CSMD1: variants seen among roughly 807,000 people sequenced by gnomAD.
The protein encoded by CSMD1 is CUB and sushi domain-containing protein 1.
A neutral mutation model predicts 417.5 loss-of-function variants in CSMD1; 213 were observed. The observed-to-expected ratio is 0.51, with a 90% confidence interval of 0.46 to 0.57. The LOEUF (loss-of-function observed/expected upper bound fraction) is 0.57. Ranked by LOEUF, CSMD1 falls within the 20% of genes least tolerant of loss-of-function variation. The pLI, the probability that CSMD1 is intolerant of heterozygous loss-of-function variation, is 0.00. For missense variants in CSMD1, 6,923 were observed against 4,529.7 expected (o/e 1.53, Z -15.17); for synonymous variants, 2,862 against 1,736.8 (o/e 1.65, Z -16.11).
intron 7 of CSMD1, among the ~76,000 whole-genome samples, chr8:3,641,328 T>G (rs1182932998): frequency 6.6e-6 from 1 of 152,112 alleles, no homozygotes; most frequent in Non-Finnish European, 1.5e-5. Context: ...TCACTAGCAA[T>G]GGAACCAACA....
chr8:4,726,265 G>T (rs750678997), intron 1 of CSMD1, among the ~76,000 whole-genome samples: 15 of 151,350 alleles, frequency 9.9e-5, no homozygotes, highest in Non-Finnish European at 1.9e-4. Context: ...GCCTTGCCCC[G>T]CTTCTTTGAT....
chr8:4,877,505 G>T (rs991578749), intron 1 of CSMD1, among the ~76,000 whole-genome samples: 1 of 151,874 alleles, frequency 6.6e-6, no homozygotes, highest in Non-Finnish European at 1.5e-5. Flanking sequence ...ATCTCTTCCC[G>T]ATCCCCTAAA....
rs539881606 is a variant in CSMD1 at position 4,100,029 on chromosome 8, G to A, written c.416-67930C>T. Among the ~76,000 whole-genome samples, 5 of 152,224 alleles carry A rather than the reference G, an allele frequency of 3.3e-5. No homozygotes were observed. In the South Asian group the frequency reaches 1.0e-3, roughly 32 times the overall value. On this transcript the variant is annotated intron_variant, in intron 3 of 69. Coordinates refer to ENST00000635120, the MANE Select transcript of CSMD1 (RefSeq NM_033225.6). ...TTCATTTTTATGACTTCCAGAAGAA[G>A]ATATAATGTAATAACGTGAGCATGC...
At chr8:4,963,134 A>T (rs1351062836) in intron 1 of CSMD1, among the ~76,000 whole-genome samples, 2 of 152,142 alleles carry the variant, frequency 1.3e-5, no homozygotes, top group Non-Finnish European at 2.9e-5. Flanking sequence ...GCCCTCCTAC[A>T]GGCAGTCAAT....
At chr8:4,744,026 G>C (rs549576078) in intron 1 of CSMD1, among the ~76,000 whole-genome samples, 2 of 152,344 alleles carry the variant, frequency 1.3e-5, no homozygotes, top group East Asian at 1.9e-4. Context: ...ATCCACGCCA[G>C]GCTGGCACAC....
chr8:4,473,306 T>A (rs548870973), intron 2 of CSMD1, among the ~76,000 whole-genome samples: 1 of 152,332 alleles, frequency 6.6e-6, no homozygotes, highest in Non-Finnish European at 1.5e-5. Context: ...ATGTGAGTTC[T>A]TAACACAAAA....
chr8:3,274,598 G>C lies in CSMD1; in HGVS notation c.4153+9546C>G, dbSNP rs997715840. ...GTAGGTCACTCAGGACTTGCTTTAT[G>C]AATCTGGGTGCTCCTGTATTGGGTG... is the stretch of plus-strand genomic sequence containing the variant. On this transcript the variant is annotated intron_variant, in intron 26 of 69. Transcript: ENST00000635120. Among the ~76,000 whole-genome samples the C allele has an allele frequency of 1.5e-3, 227 of 152,218 alleles. 2 individuals carry two copies. Among genetic ancestry groups the C allele is most frequent in the Non-Finnish European group, 1.1e-3 (77 of 67,996 alleles).
intron 6 of CSMD1, among the ~76,000 whole-genome samples, chr8:3,734,279 C>A (rs375151221): frequency 3.9e-5 from 6 of 152,206 alleles, no homozygotes; most frequent in Admixed American, 2.0e-4. Context: ...CCCAGTGTCT[C>A]CCTAGTGCTT....
At chr8:3,530,377 G>A (rs758912887) in intron 10 of CSMD1, among the ~76,000 whole-genome samples, 1 of 152,132 alleles carries the variant, frequency 6.6e-6, no homozygotes. Flanking sequence ...TTGTCTCAAG[G>A]AAGTTTCCAA....
intron 1 of CSMD1, among the ~76,000 whole-genome samples, chr8:4,895,929 AT>A (rs921359896): frequency 2.0e-5 from 3 of 151,922 alleles, no homozygotes; most frequent in Admixed American, 6.6e-5. Context: ...GTTACCAATT[AT>A]TTTTTTGACA....
intron 1 of CSMD1, among the ~76,000 whole-genome samples, chr8:4,768,203 T>TTA (rs1175691056): frequency 6.6e-6 from 1 of 152,110 alleles, no homozygotes; most frequent in Non-Finnish European, 1.5e-5. Flanking sequence ...AAGATGCCTT[T>TTA]TATGTTGGAA....
intron 3 of CSMD1, among the ~76,000 whole-genome samples, chr8:4,244,032 G>A (rs1029843015): frequency 1.3e-5 from 2 of 152,210 alleles, no homozygotes; most frequent in East Asian, 1.9e-4. Context: ...TAACCTGGCT[G>A]CAGGCTCTTT....
chr8:4,153,009 G>A (rs1032927050), intron 3 of CSMD1, among the ~76,000 whole-genome samples: 2 of 152,108 alleles, frequency 1.3e-5, no homozygotes, highest in Admixed American at 6.5e-5. Flanking sequence ...CGTAGCAAGT[G>A]CATACCATTT....
At chr8:4,804,774 G>A (rs1028345959) in intron 1 of CSMD1, among the ~76,000 whole-genome samples, 3 of 152,058 alleles carry the variant, frequency 2.0e-5, no homozygotes, top group African/African-American at 7.2e-5. Context: ...TATTTGTTCT[G>A]TTTACATGAT....
At chr8:4,685,730 C>G (rs1218994272) in intron 1 of CSMD1, among the ~76,000 whole-genome samples, 2 of 152,114 alleles carry the variant, frequency 1.3e-5, no homozygotes, top group Admixed American at 1.3e-4. Flanking sequence ...TCTGAACATT[C>G]TTTTTAAGAA....
At chr8:3,849,746 T>C (rs1026764337) in intron 5 of CSMD1, among the ~76,000 whole-genome samples, 1 of 152,174 alleles carries the variant, frequency 6.6e-6, no homozygotes, top group Non-Finnish European at 1.5e-5. Context: ...TATGAAGCTC[T>C]TGTACAAATA....
intron 3 of CSMD1, among the ~76,000 whole-genome samples, chr8:4,207,114 T>C (rs1800023866): frequency 6.6e-6 from 1 of 152,164 alleles, no homozygotes. Flanking sequence ...ATTTTCTAAA[T>C]AGTCTTAAAA....
At chr8:4,983,874 G>T (rs1324529823) in intron 1 of CSMD1, among the ~76,000 whole-genome samples, 1 of 152,090 alleles carries the variant, frequency 6.6e-6, no homozygotes, top group African/African-American at 2.4e-5. Context: ...AGATGGGTGG[G>T]CTTGAGATAC....
rs151218696 is a variant in CSMD1, at chr8:3,743,195, T to C, written c.931+10735A>G. 4.4e-3 allele frequency among the ~76,000 whole-genome samples: 674 copies of C among 152,314 alleles called. 5 individuals are homozygous for C. Among genetic ancestry groups the C allele is most frequent in the African/African-American group, 0.015 (635 of 41,570 alleles). On this transcript the variant is annotated intron_variant, in intron 6 of 69. Coordinates refer to ENST00000635120, the MANE Select transcript of CSMD1 (RefSeq NM_033225.6). ...CTACTGTGCTACACGACTCTTTTCA[T>C]GAATGCAGAGTGTTCTGCCCTTTTT... is the stretch of plus-strand genomic sequence containing the variant.
Sources: allele counts gnomAD v4.1 joint callset (sites outside exome capture counted in the v4.1 genomes callset), GRCh38; gene constraint gnomAD v4.1.1; transcripts MANE v1.5; gene names NCBI Gene and HGNC (gene_info 2026-07-23, HGNC 2026-07-21).